Variants in GALNT10 observed in about 807,000 individuals in gnomAD.
GALNT10 encodes the protein GalNAc transferase 10.
Under a neutral mutation model 75.0 loss-of-function variants are expected in GALNT10, and 41 were observed. The observed-to-expected ratio is 0.55, with a 90% CI of 0.43 to 0.71. GALNT10 has a LOEUF of 0.71. Ranked by LOEUF, GALNT10 falls within the 30% of genes least tolerant of loss-of-function variation. The probability of loss-of-function intolerance (pLI) is 0.00; values close to 1 mark genes in which losing one functional copy is unlikely to be tolerated. For synonymous variants in GALNT10, 302 were observed against 313.0 expected, an observed-to-expected ratio of 0.96 and a Z score of 0.37; for missense variants, 727 against 818.5, an observed-to-expected ratio of 0.89 and a Z score of 1.36.
chr5:154,191,061 C>A (rs1461329600), intron 1 of GALNT10, 36 bp downstream of exon 1: 1 of 1,336,462 alleles, frequency 7.5e-7, no homozygotes, highest in Non-Finnish European at 9.8e-7. Flanking sequence ...GGGAACACCC[C>A]CTTCCCGAAT....
intron 8 of GALNT10, among the ~76,000 whole-genome samples, chr5:154,407,255 T>C (rs907378370): frequency 1.3e-5 from 2 of 151,782 alleles, no homozygotes; most frequent in Admixed American, 6.6e-5. Flanking sequence ...GTGTTGAGAG[T>C]AGAGGTATGA....
At chr5:154,197,077 G>A (rs1387034225) in intron 1 of GALNT10, among the ~76,000 whole-genome samples, 2 of 152,156 alleles carry the variant, frequency 1.3e-5, no homozygotes, top group Non-Finnish European at 2.9e-5. Flanking sequence ...TTCCAGCACT[G>A]CCACCCCTTG....
At chr5:154,389,357 C>T (rs1755859049) in intron 7 of GALNT10, 1 of 151,708 alleles carries the variant, frequency 6.6e-6, no homozygotes, top group Non-Finnish European at 1.5e-5. Flanking sequence ...TAAAATACTA[C>T]ATATAATAAA....
chr5:154,350,274 T>C (rs1022641061), intron 4 of GALNT10, among the ~76,000 whole-genome samples: 1 of 152,174 alleles, frequency 6.6e-6, no homozygotes, highest in Non-Finnish European at 1.5e-5. Context: ...TGTCAGGACT[T>C]GCTCTGTTCT....
intron 4 of GALNT10, among the ~76,000 whole-genome samples, chr5:154,363,422 G>A (rs1755421356): frequency 7.2e-6 from 1 of 138,402 alleles, no homozygotes; most frequent in African/African-American, 2.6e-5. Flanking sequence ...CAATTTTGGT[G>A]TGTCTTTCCC....
At chr5:154,223,642 G>A (rs1334035837) in intron 1 of GALNT10, among the ~76,000 whole-genome samples, 4 of 151,082 alleles carry the variant, frequency 2.6e-5, no homozygotes, top group Non-Finnish European at 3.0e-5. Flanking sequence ...GGAGCAGGCC[G>A]GGTGCAGTGG....
chr5:154,363,329 A>G (rs1220515119), intron 4 of GALNT10, among the ~76,000 whole-genome samples: 1 of 152,068 alleles, frequency 6.6e-6, no homozygotes, highest in Non-Finnish European at 1.5e-5. Flanking sequence ...AATCACAAAA[A>G]AATAGTCAAG....
intron 4 of GALNT10, among the ~76,000 whole-genome samples, chr5:154,336,652 TTC>T (rs1000132594): frequency 2.0e-5 from 3 of 152,228 alleles, no homozygotes; most frequent in Admixed American, 2.0e-4. Context: ...GTTTTATAAT[TTC>T]TGTTTTCTTT....
intron 4 of GALNT10, among the ~76,000 whole-genome samples, chr5:154,361,640 T>G (rs746424720): frequency 1.3e-5 from 2 of 152,268 alleles, no homozygotes; most frequent in African/African-American, 2.4e-5. Context: ...GATGACCTTT[T>G]GGTCCATAAG....
intron 1 of GALNT10, among the ~76,000 whole-genome samples, chr5:154,204,506 C>T (rs988967203): frequency 6.6e-6 from 1 of 152,226 alleles, no homozygotes; most frequent in Non-Finnish European, 1.5e-5. Flanking sequence ...TGAAACACAG[C>T]ACAGACCCCT....
chr5:154,334,404 G>A (rs1300019681), intron 4 of GALNT10, among the ~76,000 whole-genome samples: 1 of 152,230 alleles, frequency 6.6e-6, no homozygotes, highest in Non-Finnish European at 1.5e-5. Context: ...GGAGAACATT[G>A]AGGTGTTTTT....
intron 5 of GALNT10, among the ~76,000 whole-genome samples, 161 bp from the exon 6 acceptor site, chr5:154,380,287 G>C (rs967145682): frequency 1.3e-5 from 2 of 151,974 alleles, no homozygotes; most frequent in African/African-American, 4.8e-5. Context: ...TGAGAGCCTC[G>C]GTCCCTCTTG....
chr5:154,238,969 G>A (rs12522682), intron 1 of GALNT10, among the ~76,000 whole-genome samples: 97,935 of 151,992 alleles, frequency 0.64, 31,927 homozygotes, highest in East Asian at 0.85. Flanking sequence ...TGAGGAAGCC[G>A]AGTCTCAGGG....
intron 5 of GALNT10, among the ~76,000 whole-genome samples, chr5:154,379,851 C>T (rs1755707293): frequency 6.6e-6 from 1 of 152,188 alleles, no homozygotes; most frequent in South Asian, 2.1e-4. Flanking sequence ...GCAGTTCATT[C>T]CCCCATCCAT....
chr5:154,393,685 A>G (rs79328159), intron 7 of GALNT10, among the ~76,000 whole-genome samples: 28,844 of 151,888 alleles, frequency 0.19, 2,822 homozygotes, highest in South Asian at 0.28. Flanking sequence ...AAGTTCTTTT[A>G]ATTAGCTGGG....
chr5:154,193,957 A>G (rs1386884784), intron 1 of GALNT10, among the ~76,000 whole-genome samples: 1 of 152,242 alleles, frequency 6.6e-6, no homozygotes, highest in Non-Finnish European at 1.5e-5. Flanking sequence ...TGCAAAACCA[A>G]GCAAGAAATG....
At chr5:154,400,988 C>T (rs578024966) in intron 7 of GALNT10, among the ~76,000 whole-genome samples, 1 of 152,286 alleles carries the variant, frequency 6.6e-6, no homozygotes, top group African/African-American at 2.4e-5. Context: ...CAGAGTCGGC[C>T]ACCAGGGCAT....
intron 4 of GALNT10, among the ~76,000 whole-genome samples, chr5:154,344,134 T>A (rs1197659475): frequency 6.6e-6 from 1 of 152,058 alleles, no homozygotes; most frequent in Non-Finnish European, 1.5e-5. Flanking sequence ...TCCCTCCAGG[T>A]TTTAGAAGAC....
At chr5:154,229,967 A>G (rs774569303) in intron 1 of GALNT10, among the ~76,000 whole-genome samples, 5 of 152,238 alleles carry the variant, frequency 3.3e-5, no homozygotes, top group Non-Finnish European at 5.9e-5. Flanking sequence ...GTCAGTCTCC[A>G]TGCTGGGCAC....
Sources: gnomAD v4.1 joint callset for allele counts (sites outside exome capture counted in the v4.1 genomes callset) on GRCh38, gnomAD v4.1.1 for gene constraint, MANE v1.5 for transcripts, NCBI Gene and HGNC (gene_info 2026-07-23, HGNC 2026-07-21) for gene names.